TANC2: variants seen among roughly 807,000 people sequenced by gnomAD.
TANC2 encodes the protein protein TANC2.
A neutral mutation model predicts 210.5 loss-of-function variants in TANC2; 26 were observed. The ratio of observed to expected loss-of-function variants is 0.12; its 90% CI spans 0.09 to 0.17. TANC2 has a LOEUF of 0.17. Ranked by LOEUF, TANC2 falls within the 10% of genes least tolerant of loss-of-function variation. The pLI, the probability that TANC2 is intolerant of heterozygous loss-of-function variation, is 1.00. For synonymous variants in TANC2, 931 were observed against 967.1 expected (o/e 0.96, Z 0.69); for missense variants, 2,129 against 2,608.9 (o/e 0.82, Z 4.01).
intron 5 of TANC2, among the ~76,000 whole-genome samples, chr17:63,155,698 TA>T (rs1170407213): frequency 7.9e-5 from 12 of 152,310 alleles, no homozygotes; most frequent in African/African-American, 2.9e-4. Context: ...TTAAATCTCT[TA>T]AAAAACGGTA....
intron 2 of TANC2, among the ~76,000 whole-genome samples, chr17:63,067,445 T>G (rs546236965): frequency 2.6e-5 from 4 of 152,196 alleles, no homozygotes; most frequent in Admixed American, 2.6e-4. Context: ...CTTAAATTTT[T>G]ATCTCTCATG....
In TANC2 at chr17:63,309,792, A is replaced by G. The variant is rs191540627; in HGVS notation, c.1160-4596A>G. On this transcript the variant is annotated intron_variant, in intron 9 of 27. Coordinates refer to ENST00000689528, the Ensembl canonical transcript of TANC2. ...TAAGAATAATGATGGGAGACTCACA[A>G]TTAACTAGTACATAATAACAACTAA... Among the ~76,000 whole-genome samples the G allele has an allele frequency of 1.7e-4, 26 of 152,334 alleles. 1 individual carries two copies. Among genetic ancestry groups the G allele is most frequent in the Admixed American group, 5.2e-4 (8 of 15,308 alleles).
chr17:63,415,300 G>A (rs1349207190), intron 25 of TANC2, among the ~76,000 whole-genome samples: 2 of 152,234 alleles, frequency 1.3e-5, no homozygotes, highest in African/African-American at 4.8e-5. Context: ...TCCCTGGCTT[G>A]TATCTTGGGT....
intron 5 of TANC2, among the ~76,000 whole-genome samples, chr17:63,158,400 G>A (rs1403984706): frequency 6.6e-6 from 1 of 152,166 alleles, no homozygotes; most frequent in Non-Finnish European, 1.5e-5. Flanking sequence ...GGAAAAAAAT[G>A]TGTTTCTTAA....
At chr17:63,380,293 A>G (rs552601477) in intron 15 of TANC2, among the ~76,000 whole-genome samples, 2 of 152,308 alleles carry the variant, frequency 1.3e-5, no homozygotes, top group African/African-American at 4.8e-5. Flanking sequence ...ATCTCTCTTC[A>G]AATTATATCC....
At chr17:63,143,598 C>T (rs1261431933) in intron 4 of TANC2, among the ~76,000 whole-genome samples, 2 of 152,114 alleles carry the variant, frequency 1.3e-5, no homozygotes, top group East Asian at 3.8e-4. Flanking sequence ...TGTTATAATA[C>T]ATGTTTTGAA....
At chr17:63,196,270 A>T (rs2041342678) in intron 6 of TANC2, among the ~76,000 whole-genome samples, 1 of 152,258 alleles carries the variant, frequency 6.6e-6, no homozygotes, top group Admixed American at 6.5e-5. Context: ...TGCTCTGTGA[A>T]TAAAAAATGG....
Position 63,200,373 on chromosome 17 carries a change from A to G in TANC2, c.583-398A>G, listed in dbSNP as rs570580468. ...TCTGTCTCAAAAAAAAAAAAAAAAAAAAAGAAAGAAAGAAAGAAAATTATT... is the reference window on the plus strand; with the variant it reads ...TCTGTCTCAAAAAAAAAAAAAAAAAGAAAGAAAGAAAGAAAGAAAATTATT... On this transcript the variant is annotated intron_variant, in intron 6 of 27. Transcript: ENST00000689528. Among the ~76,000 whole-genome samples the G allele has an allele frequency of 7.6e-3, 1,133 of 149,748 alleles. 15 individuals are homozygous for G. The highest frequency in any genetic ancestry group is 0.02 in the African/African-American group (822 of 40,534).
chr17:63,388,423 T>G (rs1413731567), intron 15 of TANC2, among the ~76,000 whole-genome samples: 1 of 152,200 alleles, frequency 6.6e-6, no homozygotes, highest in Non-Finnish European at 1.5e-5. Context: ...GACGTGTTGC[T>G]AAGGGCTGCA....
exon 3 of TANC2, chr17:63,073,956 G>A (rs2036487188): frequency 1.3e-6 from 2 of 1,586,492 alleles, no homozygotes; most frequent in African/African-American, 1.3e-5. Context: ...GAGGGAGCGA[G>A]GAACCACCGG....
intron 4 of TANC2, among the ~76,000 whole-genome samples, chr17:63,117,419 AAAG>A (rs1159516464): frequency 1.3e-5 from 2 of 152,188 alleles, no homozygotes; most frequent in East Asian, 1.9e-4. Flanking sequence ...AATCTAATGA[AAAG>A]AACTCGTCTG....
At chr17:63,202,982 A>G (rs2041585166) in intron 7 of TANC2, among the ~76,000 whole-genome samples, 1 of 152,096 alleles carries the variant, frequency 6.6e-6, no homozygotes, top group South Asian at 2.1e-4. Flanking sequence ...TATTCTTCAC[A>G]TTTTACCTGC....
chr17:63,306,450 T>C (rs1360213661), intron 9 of TANC2, among the ~76,000 whole-genome samples: 14 of 152,206 alleles, frequency 9.2e-5, no homozygotes, highest in Admixed American at 8.5e-4. Flanking sequence ...TCAACAAATA[T>C]TTACTGAGCC....
chr17:63,135,820 A>G (rs915779445), intron 4 of TANC2, among the ~76,000 whole-genome samples: 1 of 152,090 alleles, frequency 6.6e-6, no homozygotes, highest in African/African-American at 2.4e-5. Flanking sequence ...GAAATTTGGA[A>G]CTCCTTTTTA....
chr17:63,374,415 C>T (rs1392466817), intron 14 of TANC2, among the ~76,000 whole-genome samples: 1 of 152,144 alleles, frequency 6.6e-6, no homozygotes, highest in Non-Finnish European at 1.5e-5. Flanking sequence ...ACCCCTATTA[C>T]CTAGACTCTG....
chr17:63,300,237 T>C lies in TANC2; in HGVS notation c.1160-14151T>C, dbSNP rs774812702. On this transcript the variant is annotated intron_variant, in intron 9 of 27. Transcript: ENST00000689528. ...AGCATGATGCCTCCAGCTTTGTTCT[T>C]TTTGCTTAGGATTGTCTTGGCTATA... Among the ~76,000 whole-genome samples, 147 of 152,300 alleles carry C rather than the reference T, an allele frequency of 9.7e-4. 2 individuals are homozygous for C. Among genetic ancestry groups the C allele is most frequent in the Admixed American group, 1.1e-3 (17 of 15,300 alleles).
chr17:63,135,309 A>T (rs1226165639), intron 4 of TANC2, among the ~76,000 whole-genome samples: 1 of 152,216 alleles, frequency 6.6e-6, no homozygotes, highest in Non-Finnish European at 1.5e-5. Flanking sequence ...CATAGATTGA[A>T]TTTGTAAATA....
chr17:63,332,042 GAT>G (rs1355858873), intron 11 of TANC2: 4 of 279,592 alleles, frequency 1.4e-5, no homozygotes, highest in Non-Finnish European at 2.1e-5. Flanking sequence ...TTTTCTGAAT[GAT>G]ATCAATTATG....
intron 1 of TANC2, among the ~76,000 whole-genome samples, chr17:62,981,182 T>G (rs889684175): frequency 6.6e-6 from 1 of 152,234 alleles, no homozygotes; most frequent in Non-Finnish European, 1.5e-5. Context: ...ATCTTTCCCT[T>G]GCATTCACAT....
Sources: allele counts gnomAD v4.1 joint callset (sites outside exome capture counted in the v4.1 genomes callset), GRCh38; gene constraint gnomAD v4.1.1; transcripts MANE v1.5; gene names NCBI Gene and HGNC (gene_info 2026-07-23, HGNC 2026-07-21).